DOCK5: variants seen among roughly 807,000 people sequenced by gnomAD.
DOCK5 encodes the protein dedicator of cytokinesis 5, also known as dedicator of cytokinesis protein 5.
In DOCK5, 142 loss-of-function variants were observed where a neutral mutation model predicts 251.8. The ratio of observed to expected loss-of-function variants is 0.56; its 90% confidence interval spans 0.49 to 0.65. The LOEUF (loss-of-function observed/expected upper bound fraction) is 0.65. Ranked by LOEUF, DOCK5 falls within the 30% of genes least tolerant of loss-of-function variation. DOCK5 has a pLI of 0.00. For missense variants in DOCK5, 2,111 were observed against 2,312.3 expected (o/e 0.91, Z 1.79); for synonymous variants, 842 against 835.5 (o/e 1.01, Z -0.13).
chr8:25,386,653 T>C (rs1409279396), intron 40 of DOCK5, among the ~76,000 whole-genome samples: 1 of 150,216 alleles, frequency 6.7e-6, no homozygotes. Flanking sequence ...CAGGGTCTAG[T>C]GTTAGCTCAG....
chr8:25,263,337 G>A (rs1803642406), intron 2 of DOCK5, among the ~76,000 whole-genome samples: 1 of 151,742 alleles, frequency 6.6e-6, no homozygotes, highest in African/African-American at 2.4e-5. Flanking sequence ...AACAGAGCTA[G>A]GGGTAGTATG....
At chr8:25,287,788 C>T (rs1804377208) in intron 5 of DOCK5, among the ~76,000 whole-genome samples, 1 of 151,850 alleles carries the variant, frequency 6.6e-6, no homozygotes, top group East Asian at 1.9e-4. Flanking sequence ...GCTTCTACAA[C>T]AGGCGGGCCT....
chr8:25,310,211 A>G (rs979204128), intron 12 of DOCK5, among the ~76,000 whole-genome samples, 196 bp from the exon 13 acceptor site: 13 of 152,128 alleles, frequency 8.5e-5, no homozygotes, highest in African/African-American at 2.7e-4. Context: ...ATCTGTTCAC[A>G]TCTCTGTCAA....
At chr8:25,323,756 C>A in intron 16 of DOCK5, 92 bp from the exon 17 acceptor site, 2 of 1,386,006 alleles carry the variant, frequency 1.4e-6, no homozygotes, top group Non-Finnish European at 2.0e-6. Context: ...TGGTTGAACG[C>A]TGCACCCCCG....
rs1372090324 is a variant in DOCK5, at chr8:25,405,828, A to T, written c.5093+2104A>T. On this transcript the variant is annotated intron_variant, in intron 48 of 51. Transcript: ENST00000276440. ...TTGTGTTCTTTCTGCCTAGCAATAT[A>T]TTTAAATAATATATTGCTAAAATAC... 3.4e-3 allele frequency among the ~76,000 whole-genome samples: 515 copies of T among 152,332 alleles called. 2 individuals are homozygous for T. The highest frequency in any genetic ancestry group is 0.028 in the South Asian group (134 of 4,824).
At chr8:25,241,044 T>C (rs1802927670) in intron 1 of DOCK5, among the ~76,000 whole-genome samples, 1 of 152,204 alleles carries the variant, frequency 6.6e-6, no homozygotes, top group South Asian at 2.1e-4. Context: ...CTTATAAAGA[T>C]ATATGCGATT....
rs141002334 is a variant in DOCK5 at position 25,245,283 on chromosome 8, C to T, written c.127+1526C>T. Among the ~76,000 whole-genome samples the T allele has an allele frequency of 5.3e-5, 8 of 152,252 alleles. No individual in the cohort carries two copies. In the South Asian group the frequency reaches 1.7e-3, roughly 32 times the overall value. On this transcript the variant is annotated intron_variant, in intron 2 of 51. Transcript: ENST00000276440. ...ATGTTAGCCAGGATGGTCTCGATCT[C>T]CTGACCTCGTGATCCGCCTGCCTTG...
intron 2 of DOCK5, among the ~76,000 whole-genome samples, chr8:25,250,028 A>G (rs1803226484): frequency 6.6e-6 from 1 of 152,242 alleles, no homozygotes; most frequent in Non-Finnish European, 1.5e-5. Context: ...TGCTGCAAAC[A>G]TTTGCGTGCA....
intron 2 of DOCK5, among the ~76,000 whole-genome samples, chr8:25,247,121 C>T (rs553616549): frequency 2.0e-5 from 3 of 152,214 alleles, no homozygotes; most frequent in Non-Finnish European, 2.9e-5. Flanking sequence ...AACTCCTGGC[C>T]TCAAATGATC....
chr8:25,344,454 C>T (rs779308477), intron 25 of DOCK5, among the ~76,000 whole-genome samples: 2 of 152,154 alleles, frequency 1.3e-5, no homozygotes, highest in African/African-American at 2.4e-5. Flanking sequence ...CAACGTTAAA[C>T]AAGTTGAGTG....
intron 1 of DOCK5, among the ~76,000 whole-genome samples, chr8:25,234,495 AT>A (rs978067085): frequency 6.6e-6 from 1 of 152,138 alleles, no homozygotes; most frequent in Admixed American, 6.5e-5. Flanking sequence ...TTGCTATCAG[AT>A]TTTTTTCTGT....
intron 15 of DOCK5, 24 bp downstream of exon 15, chr8:25,319,700 CCT>C (rs1160740200): frequency 1.3e-6 from 2 of 1,497,866 alleles, no homozygotes; most frequent in East Asian, 2.4e-5. Context: ...ATTTGTAACC[CCT>C]GTTATCTGTT....
rs1462384330 is a variant in DOCK5 at position 25,366,959 on chromosome 8, A to T, written c.3213A>T (p.Lys1071Asn). The T allele has an allele frequency of 6.2e-7, 1 of 1,613,660 alleles. No homozygotes were observed. The highest frequency in any genetic ancestry group is 8.5e-7 in the Non-Finnish European group (1 of 1,179,668). ...LETFSQAKRN[K>N]IVKKYGDMRK... ...CCTTCTCACAAGCCAAGCGCAACAA[A>T]ATTGTTAAAAAGTAAGTGTCCTTTT... The change falls in exon 31 of 52, where the codon AAA becomes AAT. Residue 1071 changes from lysine (K) to asparagine (N), a missense_variant. By Grantham distance (94) the Lys-to-Asn change is moderately conservative. Coordinates refer to ENST00000276440, the MANE Select transcript of DOCK5 (RefSeq NM_024940.8).
Position 25,403,636 on chromosome 8 carries a change from AG to A in DOCK5, c.5007del (p.Arg1669SerfsTer71). ...CTACATCATGTCTTCCACTCTGCGGAGGTTGTCCATCACCTCAGTCACTTCC... is the reference window on the plus strand; with the variant it reads ...CTACATCATGTCTTCCACTCTGCGGAGTTGTCCATCACCTCAGTCACTTCC... ...LPYIMSSTLR[R>X]LSITSVTSSV... On this transcript the variant is annotated frameshift_variant, in exon 48 of 52. Transcript: ENST00000276440. LOFTEE classifies it high-confidence loss of function. 1 of 1,613,938 alleles carries A rather than the reference AG, an allele frequency of 6.2e-7. No individual in the cohort carries two copies. Among genetic ancestry groups the A allele is most frequent in the Non-Finnish European group, 8.5e-7 (1 of 1,179,868 alleles).
At chr8:25,312,798 C>T (rs949136010) in intron 13 of DOCK5, among the ~76,000 whole-genome samples, 5 of 148,662 alleles carry the variant, frequency 3.4e-5, no homozygotes, top group South Asian at 2.1e-4. Flanking sequence ...GGAGTGGTGG[C>T]GCATGCCTGT....
chr8:25,241,050 C>A (rs111882558), intron 1 of DOCK5, among the ~76,000 whole-genome samples: 1 of 152,116 alleles, frequency 6.6e-6, no homozygotes, highest in African/African-American at 2.4e-5. Flanking sequence ...AAGATATATG[C>A]GATTGCATTT....
rs1416937206 is a variant in DOCK5 at position 25,395,738 on chromosome 8, T to A, written c.4704+19T>A. The A allele has an allele frequency of 3.1e-6, 5 of 1,607,254 alleles. No homozygotes were observed. Among genetic ancestry groups the A allele is most frequent in the South Asian group, 1.1e-5 (1 of 88,444 alleles). The stretch of plus-strand genomic sequence containing the variant: ...TGAAAAGGTTCGCTTGGTCCCAGAA[T>A]CCCCTAGGGATTCACAGACCTGGGT... On this transcript the variant is annotated intron_variant, in intron 45 of 51. Transcript: ENST00000276440.
intron 1 of DOCK5, among the ~76,000 whole-genome samples, chr8:25,186,684 A>G (rs982953478): frequency 6.6e-6 from 1 of 152,034 alleles, no homozygotes; most frequent in Non-Finnish European, 1.5e-5. Context: ...TGGCCCCTAG[A>G]TGAAAGCATA....
chr8:25,395,669 A>C lies in DOCK5; in HGVS notation c.4654A>C (p.Ser1552Arg), dbSNP rs1801333206. ...LSVHPLSMLL[S>R]GIVDPAVMGG... ...TGTGCACCCTCTCTCCATGCTGCTC[A>C]GTGGCATCGTGGACCCGGCCGTCAT... The change falls in exon 45 of 52, where the codon AGT becomes CGT. Residue 1552 changes from serine to arginine, a missense_variant. Coordinates refer to ENST00000276440, the MANE Select transcript of DOCK5 (RefSeq NM_024940.8). 3 of 1,613,738 alleles carry C rather than the reference A, an allele frequency of 1.9e-6. No homozygotes were observed. The highest frequency in any genetic ancestry group is 2.5e-6 in the Non-Finnish European group (3 of 1,179,838).
Sources: gnomAD v4.1 joint callset for allele counts (sites outside exome capture counted in the v4.1 genomes callset) on GRCh38, gnomAD v4.1.1 for gene constraint, MANE v1.5 for transcripts, NCBI Gene and HGNC (gene_info 2026-07-23, HGNC 2026-07-21) for gene names.